MSRB3: variants seen among roughly 807,000 people sequenced by gnomAD.
The protein encoded by MSRB3 is methionine-R-sulfoxide reductase B3.
A neutral mutation model predicts 21.0 loss-of-function variants in MSRB3; 13 were observed. The observed-to-expected ratio is 0.62, with a 90% CI of 0.40 to 0.98. MSRB3 has a LOEUF of 0.98. Among genes scored for constraint, MSRB3 ranks in the 50% least tolerant of loss-of-function variants. The pLI is 0.00. For synonymous variants in MSRB3, 87 were observed against 88.6 expected (o/e 0.98, Z 0.10); for missense variants, 199 against 230.3 (o/e 0.86, Z 0.88).
intron 4 of MSRB3, among the ~76,000 whole-genome samples, chr12:65,336,057 C>G (rs1431674282): frequency 6.6e-6 from 1 of 152,154 alleles, no homozygotes; most frequent in East Asian, 1.9e-4. Flanking sequence ...CTTCTCTCAG[C>G]CCACTGACCC....
intron 5 of MSRB3, among the ~76,000 whole-genome samples, chr12:65,432,395 A>T (rs1881919801): frequency 6.6e-6 from 1 of 151,970 alleles, no homozygotes; most frequent in South Asian, 2.1e-4. Flanking sequence ...TGGATTCCAA[A>T]ATTTTAAAAG....
chr12:65,346,141 A>T (rs956261356), intron 4 of MSRB3, among the ~76,000 whole-genome samples: 2 of 152,232 alleles, frequency 1.3e-5, no homozygotes, highest in African/African-American at 4.8e-5. Flanking sequence ...CTAGTTCTAG[A>T]TCCCTGAGGA....
intron 2 of MSRB3, among the ~76,000 whole-genome samples, chr12:65,326,359 C>A (rs955505849): frequency 6.6e-6 from 1 of 152,018 alleles, no homozygotes; most frequent in Non-Finnish European, 1.5e-5. Flanking sequence ...GTTAAATCAT[C>A]CACAATGGAA....
intron 5 of MSRB3, among the ~76,000 whole-genome samples, chr12:65,399,917 C>T (rs1193921581): frequency 6.6e-6 from 1 of 152,036 alleles, no homozygotes; most frequent in Non-Finnish European, 1.5e-5. Flanking sequence ...TTGATTTGCA[C>T]ATGTCGAACC....
intron 5 of MSRB3, among the ~76,000 whole-genome samples, chr12:65,413,494 A>G (rs1244515463): frequency 6.6e-6 from 1 of 152,106 alleles, no homozygotes; most frequent in African/African-American, 2.4e-5. Flanking sequence ...TGGCTCTGAG[A>G]TGTTCTCGTT....
chr12:65,452,442 A>G (rs951061066), intron 5 of MSRB3, among the ~76,000 whole-genome samples: 1 of 152,190 alleles, frequency 6.6e-6, no homozygotes, highest in Non-Finnish European at 1.5e-5. Flanking sequence ...AATATATTCA[A>G]ATTCTCTTCA....
chr12:65,312,659 T>A (rs1874055116), intron 2 of MSRB3, among the ~76,000 whole-genome samples: 1 of 152,088 alleles, frequency 6.6e-6, no homozygotes, highest in Non-Finnish European at 1.5e-5. Flanking sequence ...TATAAATATA[T>A]CATAGTTTTC....
At chr12:65,286,188 T>C (rs1592487638) in intron 1 of MSRB3, 1 of 152,242 alleles carries the variant, frequency 6.6e-6, no homozygotes, top group Non-Finnish European at 1.5e-5. Flanking sequence ...GATTTCTTGC[T>C]TTATGGATAC....
At chr12:65,282,281 C>T (rs1050861494) in intron 1 of MSRB3, among the ~76,000 whole-genome samples, 1 of 150,814 alleles carries the variant, frequency 6.6e-6, no homozygotes, top group Non-Finnish European at 1.5e-5. Flanking sequence ...CATGCCACTG[C>T]ACTCCAGCCT....
intron 5 of MSRB3, among the ~76,000 whole-genome samples, chr12:65,404,153 A>G (rs1880285872): frequency 6.6e-6 from 1 of 152,244 alleles, no homozygotes; most frequent in African/African-American, 2.4e-5. Flanking sequence ...ATAGTGCACT[A>G]CAATCTCAAA....
At chr12:65,420,024 G>C in intron 5 of MSRB3, 1 of 553,324 alleles carries the variant, frequency 1.8e-6, no homozygotes. Context: ...TGAAGCTCAT[G>C]CTGTCTGGGG....
intron 6 of MSRB3, 71 bp downstream of exon 6, chr12:65,453,896 A>G: frequency 1.6e-6 from 2 of 1,235,564 alleles, no homozygotes; most frequent in African/African-American, 1.5e-5. Flanking sequence ...TATAGCAACT[A>G]AGGCCAAGCG....
At chr12:65,367,930 C>T (rs1878105381) in intron 4 of MSRB3, among the ~76,000 whole-genome samples, 1 of 151,770 alleles carries the variant, frequency 6.6e-6, no homozygotes, top group African/African-American at 2.4e-5. Flanking sequence ...CACACACACA[C>T]ATACACACAA....
At chr12:65,281,123 G>A (rs1189434323) in intron 1 of MSRB3, among the ~76,000 whole-genome samples, 3 of 152,118 alleles carry the variant, frequency 2.0e-5, no homozygotes, top group Non-Finnish European at 4.4e-5. Context: ...CAGCTACTTG[G>A]GAAGCCAAAG....
intron 4 of MSRB3, among the ~76,000 whole-genome samples, chr12:65,346,750 A>G (rs1876539957): frequency 6.6e-6 from 1 of 152,102 alleles, no homozygotes; most frequent in African/African-American, 2.4e-5. Context: ...TCCATCTTGA[A>G]TTAATTTTTG....
At chr12:65,390,904 G>C (rs964506053) in intron 5 of MSRB3, among the ~76,000 whole-genome samples, 1 of 152,080 alleles carries the variant, frequency 6.6e-6, no homozygotes, top group African/African-American at 2.4e-5. Context: ...AATATAAAAG[G>C]TATATATATT....
chr12:65,374,272 TA>T (rs780580444), intron 5 of MSRB3, among the ~76,000 whole-genome samples: 9 of 152,324 alleles, frequency 5.9e-5, no homozygotes, highest in Non-Finnish European at 1.3e-4. Flanking sequence ...GGGCATCATT[TA>T]TCAGCAGAAA....
At chr12:65,411,025 T>G (rs1880688439) in intron 5 of MSRB3, among the ~76,000 whole-genome samples, 1 of 152,210 alleles carries the variant, frequency 6.6e-6, no homozygotes, top group South Asian at 2.1e-4. Context: ...TCATTTTGTT[T>G]AATGTCTTGG....
At chr12:65,321,210 T>C (rs1323851319) in intron 2 of MSRB3, among the ~76,000 whole-genome samples, 1 of 152,166 alleles carries the variant, frequency 6.6e-6, no homozygotes, top group African/African-American at 2.4e-5. Context: ...CCTGCTGGAA[T>C]GGGAGCTCCA....
Sources: allele counts gnomAD v4.1 joint callset (sites outside exome capture counted in the v4.1 genomes callset), GRCh38; gene constraint gnomAD v4.1.1; transcripts MANE v1.5; gene names NCBI Gene and HGNC (gene_info 2026-07-23, HGNC 2026-07-21).